Variants in SNTG1 observed in about 807,000 individuals in gnomAD.
The protein encoded by SNTG1 is gamma-1-syntrophin.
A neutral mutation model predicts 74.7 loss-of-function variants in SNTG1; 39 were observed. The observed-to-expected ratio is 0.52, with a 90% CI of 0.40 to 0.68. The LOEUF (loss-of-function observed/expected upper bound fraction) is 0.68. Ranked by LOEUF, SNTG1 falls within the 30% of genes least tolerant of loss-of-function variation. SNTG1 has a pLI of 0.00. For missense variants in SNTG1, 685 were observed against 609.5 expected, an observed-to-expected ratio of 1.12 and a Z score of -1.30; for synonymous variants, 254 against 217.1, an observed-to-expected ratio of 1.17 and a Z score of -1.49.
chr8:50,284,339 A>T (rs1210629881), intron 2 of SNTG1, among the ~76,000 whole-genome samples: 1 of 152,120 alleles, frequency 6.6e-6, no homozygotes, highest in Non-Finnish European at 1.5e-5. Context: ...AGAGAGCAAG[A>T]TCACAGAGGT....
chr8:50,076,428 T>C (rs912861512), intron 1 of SNTG1, among the ~76,000 whole-genome samples: 7 of 152,174 alleles, frequency 4.6e-5, no homozygotes, highest in Admixed American at 6.5e-5. Flanking sequence ...AATGAATTGG[T>C]CCAGAATAAA....
At chr8:50,363,221 A>C (rs926222912) in intron 2 of SNTG1, among the ~76,000 whole-genome samples, 1 of 152,186 alleles carries the variant, frequency 6.6e-6, no homozygotes, top group Non-Finnish European at 1.5e-5. Context: ...TGAAGAAACT[A>C]TCAAGTGCCA....
chr8:50,024,246 A>G (rs1339054734), intron 1 of SNTG1, among the ~76,000 whole-genome samples: 1 of 152,154 alleles, frequency 6.6e-6, no homozygotes, highest in Non-Finnish European at 1.5e-5. Context: ...CACCATACAC[A>G]TTGACCTGTC....
At chr8:50,315,184 A>G (rs758462195) in intron 2 of SNTG1, among the ~76,000 whole-genome samples, 2 of 149,728 alleles carry the variant, frequency 1.3e-5, no homozygotes, top group Non-Finnish European at 2.9e-5. Flanking sequence ...TGCAGTGGTC[A>G]CTGAGGAATG....
At chr8:50,006,298 A>C (rs561000448) in intron 1 of SNTG1, among the ~76,000 whole-genome samples, 42 of 152,090 alleles carry the variant, frequency 2.8e-4, no homozygotes, top group African/African-American at 1.0e-3. Flanking sequence ...CCTTTGTTAA[A>C]ATTTTCTATA....
intron 18 of SNTG1, among the ~76,000 whole-genome samples, chr8:50,763,883 AC>A (rs1327017770): frequency 7.0e-5 from 10 of 142,626 alleles, no homozygotes; most frequent in South Asian, 2.3e-4. Flanking sequence ...ACACACACAC[AC>A]ACACACACAC....
rs189047942 is a variant in SNTG1, at chr8:50,342,186, C to T, written c.-27-52026C>T. 4.6e-5 allele frequency among the ~76,000 whole-genome samples: 7 copies of T among 152,132 alleles called. No homozygotes were observed. The East Asian group carries it at 5.8e-4, about 13-fold the overall frequency. On this transcript the variant is annotated intron_variant, in intron 2 of 18. Coordinates refer to ENST00000642720, the MANE Select transcript of SNTG1 (RefSeq NM_018967.5). ...TTTTTTCCTTCTGCTCATTTTAGTT[C>T]GGCATGAAGTAGTTTAAAAGTTTCC...
intron 1 of SNTG1, among the ~76,000 whole-genome samples, chr8:49,914,468 T>C (rs1805850474): frequency 1.3e-5 from 2 of 151,784 alleles, no homozygotes; most frequent in Admixed American, 1.3e-4. Flanking sequence ...ATCTAGAAAA[T>C]GTAAAGTATA....
At chr8:49,976,505 A>G (rs1433372941) in intron 1 of SNTG1, among the ~76,000 whole-genome samples, 2 of 152,148 alleles carry the variant, frequency 1.3e-5, no homozygotes, top group Non-Finnish European at 2.9e-5. Context: ...AGGAACAGGA[A>G]ATAAGAAACA....
intron 9 of SNTG1, among the ~76,000 whole-genome samples, chr8:50,524,150 G>T (rs971603641): frequency 6.6e-6 from 1 of 151,842 alleles, no homozygotes; most frequent in Non-Finnish European, 1.5e-5. Context: ...GTATTTCTGT[G>T]ACTCTAATAG....
chr8:50,494,661 C>A (rs2623222), intron 8 of SNTG1, among the ~76,000 whole-genome samples: 90,356 of 151,888 alleles, frequency 0.59, 31,216 homozygotes, highest in Non-Finnish European at 0.77. Context: ...GGAATTACAA[C>A]AAATGCTGAA....
intron 2 of SNTG1, among the ~76,000 whole-genome samples, chr8:50,237,959 G>T (rs990278867): frequency 6.6e-6 from 1 of 152,070 alleles, no homozygotes; most frequent in Admixed American, 6.6e-5. Flanking sequence ...TTACTAGAAT[G>T]ATACAACTTT....
intron 18 of SNTG1, among the ~76,000 whole-genome samples, chr8:50,789,454 T>A (rs1233516013): frequency 6.6e-6 from 1 of 152,002 alleles, no homozygotes; most frequent in African/African-American, 2.4e-5. Flanking sequence ...CTACCATCTA[T>A]GTGCTGACAG....
chr8:50,411,653 A>G (rs2092950843), intron 4 of SNTG1, among the ~76,000 whole-genome samples: 1 of 151,986 alleles, frequency 6.6e-6, no homozygotes, highest in South Asian at 2.1e-4. Context: ...GAGATTGTTA[A>G]ATTGAAAAGA....
At chr8:50,444,499 C>T (rs897902083) in intron 5 of SNTG1, among the ~76,000 whole-genome samples, 1 of 152,130 alleles carries the variant, frequency 6.6e-6, no homozygotes, top group Admixed American at 6.5e-5. Context: ...CACTTGTAAT[C>T]CCAACATTTT....
chr8:50,199,369 CACT>C (rs1350989475), intron 2 of SNTG1, among the ~76,000 whole-genome samples: 1 of 151,770 alleles, frequency 6.6e-6, no homozygotes. Context: ...AGGTGCCCAC[CACT>C]ACACCTGGCT....
chr8:50,393,763 A>G (rs1218210537), intron 2 of SNTG1, among the ~76,000 whole-genome samples: 1 of 152,344 alleles, frequency 6.6e-6, no homozygotes, highest in East Asian at 1.9e-4. Flanking sequence ...TCATGCATGT[A>G]GCTTTTTAAT....
chr8:50,334,244 C>T (rs1468294218), intron 2 of SNTG1, among the ~76,000 whole-genome samples: 2 of 152,160 alleles, frequency 1.3e-5, no homozygotes, highest in Non-Finnish European at 2.9e-5. Context: ...GTGCACATGG[C>T]AGCCCCCTTG....
At chr8:50,175,209 G>A (rs1047956824) in intron 2 of SNTG1, among the ~76,000 whole-genome samples, 2 of 151,984 alleles carry the variant, frequency 1.3e-5, no homozygotes, top group African/African-American at 2.4e-5. Context: ...ATGATTTATA[G>A]TCCTTTGGGT....
Sources: allele counts gnomAD v4.1 joint callset (sites outside exome capture counted in the v4.1 genomes callset), GRCh38; gene constraint gnomAD v4.1.1; transcripts MANE v1.5; gene names NCBI Gene and HGNC (gene_info 2026-07-23, HGNC 2026-07-21).